The following RBMS3 variants were observed in gnomAD, a reference collection of about 807,000 sequenced individuals.
RBMS3 encodes the protein RNA-binding motif, single-stranded-interacting protein 3.
Under a neutral mutation model 66.8 loss-of-function variants are expected in RBMS3, and 27 were observed. The observed-to-expected ratio is 0.40, with a 90% CI of 0.30 to 0.56. RBMS3 has a LOEUF of 0.56. Among genes scored for constraint, RBMS3 ranks in the 20% least tolerant of loss-of-function variants. The pLI is 0.40. For missense variants in RBMS3, 513 were observed against 549.5 expected, an observed-to-expected ratio of 0.93 and a Z score of 0.66; for synonymous variants, 188 against 183.0, an observed-to-expected ratio of 1.03 and a Z score of -0.22.
intron 4 of RBMS3, among the ~76,000 whole-genome samples, chr3:29,593,894 G>C (rs2047853408): frequency 6.6e-6 from 1 of 152,130 alleles, no homozygotes; most frequent in Admixed American, 6.5e-5. Context: ...TGTAACAATT[G>C]GTTTGAAGAA....
chr3:29,392,174 C>A (rs1020882122), intron 1 of RBMS3, among the ~76,000 whole-genome samples: 2 of 152,058 alleles, frequency 1.3e-5, no homozygotes, highest in Non-Finnish European at 2.9e-5. Flanking sequence ...CACTTGAACC[C>A]GGGAGGTGGA....
chr3:29,369,870 A>G (rs1252511857), intron 1 of RBMS3, among the ~76,000 whole-genome samples: 2 of 152,184 alleles, frequency 1.3e-5, no homozygotes, highest in African/African-American at 2.4e-5. Context: ...ATTTACAGTG[A>G]TAAGTTTTCT....
chr3:29,573,188 T>G (rs982138431), intron 3 of RBMS3, among the ~76,000 whole-genome samples: 1 of 152,180 alleles, frequency 6.6e-6, no homozygotes, highest in Non-Finnish European at 1.5e-5. Context: ...TGGCACAACC[T>G]CAGCTCACTG....
intron 1 of RBMS3, among the ~76,000 whole-genome samples, chr3:29,399,703 G>A (rs1172787059): frequency 1.3e-5 from 1 of 79,118 alleles, no homozygotes; most frequent in Non-Finnish European, 2.5e-5. Flanking sequence ...ACCTTGATTA[G>A]AAAAGTAATA....
chr3:29,440,079 G>T (rs1290628433), intron 2 of RBMS3, among the ~76,000 whole-genome samples: 1 of 152,102 alleles, frequency 6.6e-6, no homozygotes, highest in Admixed American at 6.5e-5. Flanking sequence ...GTTATATTTT[G>T]TCCTTCCAAG....
intron 6 of RBMS3, among the ~76,000 whole-genome samples, chr3:29,832,956 T>C (rs944334746): frequency 2.5e-4 from 38 of 152,106 alleles, no homozygotes; most frequent in African/African-American, 8.0e-4. Flanking sequence ...CTCTGCAAGA[T>C]TGAGAGAAGG....
chr3:29,634,606 C>T (rs1461102367), intron 4 of RBMS3, among the ~76,000 whole-genome samples: 1 of 151,840 alleles, frequency 6.6e-6, no homozygotes, highest in Non-Finnish European at 1.5e-5. Flanking sequence ...ACAGTGGTAA[C>T]TTACTTGATA....
intron 4 of RBMS3, among the ~76,000 whole-genome samples, chr3:29,633,341 C>T (rs1027907666): frequency 6.6e-6 from 1 of 151,770 alleles, no homozygotes; most frequent in Non-Finnish European, 1.5e-5. Context: ...ATATAATTTA[C>T]TATGCATTTT....
chr3:29,979,175 A>G (rs6765065), intron 12 of RBMS3, among the ~76,000 whole-genome samples: 34,284 of 151,376 alleles, frequency 0.23, 4,017 homozygotes, highest in East Asian at 0.33. Context: ...AACAACAACA[A>G]CAACAACAAT....
At chr3:29,798,840 T>C (rs1453734905) in intron 6 of RBMS3, among the ~76,000 whole-genome samples, 1 of 152,190 alleles carries the variant, frequency 6.6e-6, no homozygotes, top group African/African-American at 2.4e-5. Flanking sequence ...ACTCTCTGGA[T>C]TTAATTCATG....
chr3:29,992,308 C>T lies in RBMS3; in HGVS notation c.1307+1099C>T, dbSNP rs765627523. Among the ~76,000 whole-genome samples the T allele has an allele frequency of 8.0e-4, 122 of 152,218 alleles. 1 individual carries two copies. The highest frequency in any genetic ancestry group is 3.9e-3 in the Admixed American group (60 of 15,300). On this transcript the variant is annotated intron_variant, in intron 14 of 14. Coordinates refer to ENST00000383767, the MANE Select transcript of RBMS3 (RefSeq NM_001003793.3). ...CCATTAAAAACCATAGGTATTAGGC[C>T]GGGCGCAGTGGCTCACGCCTGTAAT...
chr3:29,862,758 C>T (rs1411482161), intron 6 of RBMS3, among the ~76,000 whole-genome samples: 2 of 151,314 alleles, frequency 1.3e-5, no homozygotes, highest in East Asian at 3.9e-4. Flanking sequence ...GCAGGAGAAT[C>T]ACTTGAACCC....
chr3:29,941,808 C>G (rs991702609), intron 11 of RBMS3, among the ~76,000 whole-genome samples: 1 of 151,636 alleles, frequency 6.6e-6, no homozygotes, highest in African/African-American at 2.4e-5. Context: ...GAAACAGAAA[C>G]AGTAATTAAA....
At chr3:29,815,956 A>G (rs1439880449) in intron 6 of RBMS3, among the ~76,000 whole-genome samples, 1 of 151,214 alleles carries the variant, frequency 6.6e-6, no homozygotes, top group Non-Finnish European at 1.5e-5. Flanking sequence ...AAAAGGAAAA[A>G]AAAAAGAAGA....
chr3:29,586,128 G>A (rs1252566209), intron 3 of RBMS3, among the ~76,000 whole-genome samples: 1 of 152,010 alleles, frequency 6.6e-6, no homozygotes, highest in Non-Finnish European at 1.5e-5. Context: ...TTCCCTGCCT[G>A]ACAGATGAGA....
chr3:29,873,502 AT>A (rs1015417724), intron 7 of RBMS3, among the ~76,000 whole-genome samples: 1 of 151,966 alleles, frequency 6.6e-6, no homozygotes, highest in Non-Finnish European at 1.5e-5. Context: ...AGACTATGGG[AT>A]TTTTTTAGAT....
intron 2 of RBMS3, among the ~76,000 whole-genome samples, chr3:29,480,164 A>C (rs2043081275): frequency 6.6e-6 from 1 of 152,178 alleles, no homozygotes; most frequent in Non-Finnish European, 1.5e-5. Context: ...AACACAAAGA[A>C]ATGGGAATTC....
intron 3 of RBMS3, among the ~76,000 whole-genome samples, chr3:29,567,202 G>T (rs867578374): frequency 2.5e-4 from 38 of 152,046 alleles, no homozygotes; most frequent in African/African-American, 8.2e-4. Context: ...ATACATAAAA[G>T]AACCTCACTG....
chr3:29,744,068 G>A (rs990565684), intron 5 of RBMS3, among the ~76,000 whole-genome samples: 1 of 151,812 alleles, frequency 6.6e-6, no homozygotes, highest in African/African-American at 2.4e-5. Flanking sequence ...GCTGATATGG[G>A]AACCACCCTT....
Sources: gnomAD v4.1 joint callset for allele counts (sites outside exome capture counted in the v4.1 genomes callset) on GRCh38, gnomAD v4.1.1 for gene constraint, MANE v1.5 for transcripts, NCBI Gene and HGNC (gene_info 2026-07-23, HGNC 2026-07-21) for gene names.